CNTNAP5: variants seen among roughly 807,000 people sequenced by gnomAD.
The protein encoded by CNTNAP5 is contactin-associated protein-like 5.
A neutral mutation model predicts 150.2 loss-of-function variants in CNTNAP5; 72 were observed. The ratio of observed to expected loss-of-function variants is 0.48; its 90% CI spans 0.40 to 0.58. The LOEUF (loss-of-function observed/expected upper bound fraction) is 0.58. CNTNAP5 is among the 20% of genes least tolerant of loss of function. The pLI, the probability that CNTNAP5 is intolerant of heterozygous loss-of-function variation, is 0.00. For synonymous variants in CNTNAP5, 672 were observed against 619.8 expected, an observed-to-expected ratio of 1.08 and a Z score of -1.25; for missense variants, 1,636 against 1,626.2, an observed-to-expected ratio of 1.01 and a Z score of -0.10.
At position 124,670,133 on chromosome 2, in the gene CNTNAP5, TTTCC is replaced by T. The variant is rs796656346; in HGVS notation, c.2077+22217_2077+22220del. On this transcript the variant is annotated intron_variant, in intron 13 of 23. Coordinates refer to ENST00000682447, the MANE Select transcript of CNTNAP5 (RefSeq NM_001367498.1). ...GCCTTCCTTTCCTTTTCCTTCCTTCTTTCCTTCCTTCCTTCCTTCCTTCCTTCCT... is the reference window on the plus strand; with the variant it reads ...GCCTTCCTTTCCTTTTCCTTCCTTCTTTCCTTCCTTCCTTCCTTCCTTCCT... 2.2e-3 allele frequency among the ~76,000 whole-genome samples: 252 copies of T among 112,602 alleles called. 1 individual carries two copies. In the East Asian group the frequency reaches 0.033, roughly 15 times the overall value. The allele number at this position is 112,602 out of a possible 152,430, so 73.9% of individuals were successfully genotyped here.
At chr2:124,381,705 T>G (rs537684891) in intron 3 of CNTNAP5, among the ~76,000 whole-genome samples, 2 of 151,866 alleles carry the variant, frequency 1.3e-5, no homozygotes, top group African/African-American at 4.8e-5. Context: ...CTGGGAGAGG[T>G]CGAGCGGGAC....
chr2:124,224,794 T>G (rs1686415961), intron 2 of CNTNAP5, among the ~76,000 whole-genome samples: 1 of 152,096 alleles, frequency 6.6e-6, no homozygotes, highest in Admixed American at 6.6e-5. Context: ...ATATAACATT[T>G]AGAAAGTTAA....
intron 11 of CNTNAP5, among the ~76,000 whole-genome samples, chr2:124,592,908 T>C (rs951126851): frequency 5.9e-5 from 9 of 151,936 alleles, no homozygotes; most frequent in Non-Finnish European, 1.0e-4. Context: ...TTGCCCTTTT[T>C]TTGTTTATTG....
chr2:124,204,135 G>A (rs1180886794), intron 1 of CNTNAP5, among the ~76,000 whole-genome samples: 1 of 152,112 alleles, frequency 6.6e-6, no homozygotes, highest in Non-Finnish European at 1.5e-5. Context: ...TGAAGGCTTT[G>A]CTGCTTAGAA....
intron 3 of CNTNAP5, among the ~76,000 whole-genome samples, chr2:124,262,613 G>T (rs1687486193): frequency 1.3e-5 from 2 of 151,028 alleles, no homozygotes; most frequent in African/African-American, 4.9e-5. Context: ...TAGAGTTTTT[G>T]GGTGGAGGAC....
chr2:124,459,111 A>G (rs1197542529), intron 6 of CNTNAP5, among the ~76,000 whole-genome samples: 2 of 152,204 alleles, frequency 1.3e-5, no homozygotes, highest in Non-Finnish European at 1.5e-5. Context: ...ATAATACAAG[A>G]TTTGAAATTA....
intron 11 of CNTNAP5, among the ~76,000 whole-genome samples, chr2:124,608,808 G>A (rs765482549): frequency 3.3e-5 from 5 of 152,004 alleles, no homozygotes; most frequent in Non-Finnish European, 7.4e-5. Context: ...AGCTGGGCGT[G>A]GTGGCATGTG....
At chr2:124,772,765 C>T (rs1355215858) in intron 16 of CNTNAP5, 34 bp from the exon 17 acceptor site, 21 of 1,557,152 alleles carry the variant, frequency 1.3e-5, no homozygotes, top group African/African-American at 2.7e-5. Flanking sequence ...CTAACAACTC[C>T]CTCTATCCTT....
chr2:124,033,112 T>G (rs1217428194), intron 1 of CNTNAP5, among the ~76,000 whole-genome samples: 4 of 152,146 alleles, frequency 2.6e-5, no homozygotes, highest in African/African-American at 9.7e-5. Context: ...TGGCGTAAAT[T>G]CCATGTCTCT....
chr2:124,227,901 T>TAC (rs1313719130), intron 2 of CNTNAP5, among the ~76,000 whole-genome samples: 1 of 151,520 alleles, frequency 6.6e-6, no homozygotes, highest in Non-Finnish European at 1.5e-5. Flanking sequence ...CACATACACA[T>TAC]ACACACACAC....
At chr2:124,419,095 C>CTG (rs1338403051) in intron 4 of CNTNAP5, among the ~76,000 whole-genome samples, 2 of 133,136 alleles carry the variant, frequency 1.5e-5, no homozygotes, top group African/African-American at 2.7e-5. Flanking sequence ...GATTGCGCCA[C>CTG]TGCAGTCCGC....
chr2:124,687,693 A>G (rs570338034), intron 13 of CNTNAP5, among the ~76,000 whole-genome samples: 112 of 152,110 alleles, frequency 7.4e-4, no homozygotes, highest in African/African-American at 2.6e-3. Context: ...TGAACTACAA[A>G]AAGTCTGTAA....
chr2:124,603,609 T>C (rs1167968125), intron 11 of CNTNAP5, among the ~76,000 whole-genome samples: 1 of 152,218 alleles, frequency 6.6e-6, no homozygotes, highest in Non-Finnish European at 1.5e-5. Flanking sequence ...ACTTTTTTCA[T>C]GGACTGTTAA....
At chr2:124,733,970 A>T (rs1440381400) in intron 13 of CNTNAP5, among the ~76,000 whole-genome samples, 1 of 152,132 alleles carries the variant, frequency 6.6e-6, no homozygotes, top group Non-Finnish European at 1.5e-5. Flanking sequence ...AAGGCTGCAA[A>T]AAATGGGAAA....
rs185139540 is a variant in CNTNAP5, at chr2:124,864,744, C to T, written c.3218-562C>T. 1.4e-3 allele frequency among the ~76,000 whole-genome samples: 208 copies of T among 152,286 alleles called. 2 individuals carry two copies. The highest frequency in any genetic ancestry group is 4.8e-3 in the African/African-American group (198 of 41,552). ...ATAGCTAACAGCTGTTTGAAAAACGCAGTCCTAATAAAATTTGAATGTTCC... is the reference window on the plus strand; with the variant it reads ...ATAGCTAACAGCTGTTTGAAAAACGTAGTCCTAATAAAATTTGAATGTTCC... On this transcript the variant is annotated intron_variant, in intron 19 of 23. Coordinates refer to ENST00000682447, the MANE Select transcript of CNTNAP5 (RefSeq NM_001367498.1).
chr2:124,779,145 G>T (rs548961850), intron 17 of CNTNAP5, among the ~76,000 whole-genome samples: 1 of 152,176 alleles, frequency 6.6e-6, no homozygotes, highest in Non-Finnish European at 1.5e-5. Context: ...TCATCTGTCT[G>T]CACCTTCAGA....
chr2:124,301,376 T>G (rs1460650428), intron 3 of CNTNAP5, among the ~76,000 whole-genome samples: 1 of 152,224 alleles, frequency 6.6e-6, no homozygotes, highest in Non-Finnish European at 1.5e-5. Flanking sequence ...AACTCTTGCC[T>G]GCATTTCTGC....
chr2:124,339,894 A>C, intron 3 of CNTNAP5, among the ~76,000 whole-genome samples: 1 of 152,044 alleles, frequency 6.6e-6, no homozygotes, highest in East Asian at 1.9e-4. Flanking sequence ...GGGCCATAGA[A>C]TCAGTTGAGT....
intron 19 of CNTNAP5, among the ~76,000 whole-genome samples, chr2:124,851,137 G>T (rs918061549): frequency 6.6e-6 from 1 of 152,162 alleles, no homozygotes; most frequent in African/African-American, 2.4e-5. Flanking sequence ...GGCCGAGGCA[G>T]GTGGGCCACC....
Sources: gnomAD v4.1 joint callset for allele counts (sites outside exome capture counted in the v4.1 genomes callset) on GRCh38, gnomAD v4.1.1 for gene constraint, MANE v1.5 for transcripts, NCBI Gene and HGNC (gene_info 2026-07-23, HGNC 2026-07-21) for gene names.